The following ZNF438 variants were observed in gnomAD, a reference collection of about 807,000 sequenced individuals.
The protein encoded by ZNF438 is zinc finger protein 438.
Under a neutral mutation model 38.0 loss-of-function variants are expected in ZNF438, and 25 were observed. The ratio of observed to expected loss-of-function variants is 0.66; its 90% CI spans 0.48 to 0.92. ZNF438 has a LOEUF of 0.92. Ranked by LOEUF, ZNF438 falls within the 40% of genes least tolerant of loss-of-function variation. The pLI is 0.00. For missense variants in ZNF438, 1,007 were observed against 999.6 expected (o/e 1.01, Z -0.10); for synonymous variants, 372 against 364.1 (o/e 1.02, Z -0.25).
At chr10:31,007,221 C>T (rs944775170) in intron 1 of ZNF438, among the ~76,000 whole-genome samples, 3 of 151,468 alleles carry the variant, frequency 2.0e-5, no homozygotes, top group Admixed American at 6.6e-5. Flanking sequence ...CTCCTGACTT[C>T]CAGAATGTAA....
intron 1 of ZNF438, among the ~76,000 whole-genome samples, chr10:30,966,822 C>T (rs2050172619): frequency 6.6e-6 from 1 of 152,040 alleles, no homozygotes; most frequent in African/African-American, 2.4e-5. Flanking sequence ...CATCTACCCA[C>T]CCCCCTGTAA....
chr10:30,983,842 G>C (rs1417996596), intron 1 of ZNF438, among the ~76,000 whole-genome samples: 1 of 151,986 alleles, frequency 6.6e-6, no homozygotes, highest in Non-Finnish European at 1.5e-5. Flanking sequence ...AGATTTACAA[G>C]ATAGATACAA....
intron 4 of ZNF438, among the ~76,000 whole-genome samples, chr10:30,862,603 C>A (rs182057690): frequency 6.6e-6 from 1 of 152,282 alleles, no homozygotes; most frequent in African/African-American, 2.4e-5. Context: ...TTGCACCCGG[C>A]CTACTTTTAG....
chr10:30,878,983 A>C (rs886904274), intron 3 of ZNF438, among the ~76,000 whole-genome samples: 1 of 152,184 alleles, frequency 6.6e-6, no homozygotes, highest in Non-Finnish European at 1.5e-5. Flanking sequence ...AGCCCTATTG[A>C]AACAACTGCG....
At chr10:30,863,946 C>T (rs937980608) in intron 4 of ZNF438, among the ~76,000 whole-genome samples, 21 of 152,232 alleles carry the variant, frequency 1.4e-4, no homozygotes, top group African/African-American at 5.1e-4. Context: ...ACCGATTCCA[C>T]AGTCTATTTA....
rs566401687 is a variant in ZNF438, at chr10:30,872,425, C to CAAAAAAAAAAAAAAAAAA, written c.37+4555_37+4572dup. Among the ~76,000 whole-genome samples the CAAAAAAAAAAAAAAAAAA allele has an allele frequency of 6.8e-5, 4 of 58,696 alleles. 1 individual carries two copies. Among genetic ancestry groups the CAAAAAAAAAAAAAAAAAA allele is most frequent in the Non-Finnish European group, 1.3e-4 (4 of 30,562 alleles). The allele number at this position is 58,696 out of a possible 152,430, so 38.5% of individuals were successfully genotyped here. A position where few individuals can be genotyped will look rare whatever the true frequency, so the allele number is the denominator to read the frequency against. ...TGGGTGACAGAACAAGACTCTGTCTCAAAAAAAAAAAAAAAAAAAAAAAAA... is the reference window on the plus strand; with the variant it reads ...TGGGTGACAGAACAAGACTCTGTCTCAAAAAAAAAAAAAAAAAAAAAAAAAAAAAAAAAAAAAAAAAAA... On this transcript the variant is annotated intron_variant, in intron 4 of 5. Transcript: ENST00000413025.
chr10:30,919,443 C>G (rs1370763227), intron 2 of ZNF438: 1 of 152,188 alleles, frequency 6.6e-6, no homozygotes, highest in Admixed American at 6.5e-5. Flanking sequence ...GTTTATACCA[C>G]TACAATCCTC....
intron 3 of ZNF438, among the ~76,000 whole-genome samples, chr10:30,888,344 A>AAC (rs140506626): frequency 0.044 from 6,532 of 147,386 alleles, 372 homozygotes; most frequent in East Asian, 0.29. Flanking sequence ...TAATATTATA[A>AAC]ACACACACAC....
At chr10:30,904,839 G>A (rs915895679) in intron 3 of ZNF438, among the ~76,000 whole-genome samples, 5 of 152,046 alleles carry the variant, frequency 3.3e-5, no homozygotes, top group South Asian at 4.1e-4. Flanking sequence ...CCTTTGGATC[G>A]CAAAGGAAAA....
At chr10:31,017,067 C>T (rs2056251271) in intron 1 of ZNF438, among the ~76,000 whole-genome samples, 1 of 152,322 alleles carries the variant, frequency 6.6e-6, no homozygotes, top group Middle Eastern at 3.4e-3. Flanking sequence ...CCACCACCAT[C>T]GCACACAAAA....
At chr10:30,912,395 C>A (rs1171928593) in intron 2 of ZNF438, among the ~76,000 whole-genome samples, 1 of 152,108 alleles carries the variant, frequency 6.6e-6, no homozygotes, top group East Asian at 1.9e-4. Context: ...CTCGTCTTTC[C>A]TTCTGCCTAT....
chr10:30,948,651 C>T (rs1459314143), intron 1 of ZNF438, among the ~76,000 whole-genome samples: 86 of 150,090 alleles, frequency 5.7e-4, no homozygotes, highest in East Asian at 2.5e-3. Context: ...AGGGTATCAG[C>T]GATGGAAGAT....
chr10:30,846,448 G>A (rs1250059562), intron 5 of ZNF438, among the ~76,000 whole-genome samples: 2 of 152,230 alleles, frequency 1.3e-5, no homozygotes, highest in Non-Finnish European at 2.9e-5. Flanking sequence ...GAGCCACTGC[G>A]ATGGGGCCAG....
At position 30,960,973 on chromosome 10, in the gene ZNF438, C is replaced by T. The variant is rs1316907990; in HGVS notation, c.-191-19322G>A. Among the ~76,000 whole-genome samples the T allele has an allele frequency of 2.1e-5, 3 of 145,670 alleles. 1 individual carries two copies. The highest frequency in any genetic ancestry group is 4.7e-5 in the Non-Finnish European group (3 of 64,244). On this transcript the variant is annotated intron_variant, in intron 1 of 5. Transcript: ENST00000413025. ...TACTGAATGCCTACTATGTACCAGG[C>T]ACAGTGCAAGGTTAGGTGCCAAAGA... is the stretch of plus-strand genomic sequence containing the variant.
intron 1 of ZNF438, among the ~76,000 whole-genome samples, chr10:30,947,071 A>G (rs2047497980): frequency 6.6e-6 from 1 of 152,216 alleles, no homozygotes; most frequent in Non-Finnish European, 1.5e-5. Flanking sequence ...CTGTTATACT[A>G]GAGAAGCTAC....
At chr10:30,930,647 A>C (rs1176122396) in intron 2 of ZNF438, among the ~76,000 whole-genome samples, 2 of 151,346 alleles carry the variant, frequency 1.3e-5, no homozygotes, top group Admixed American at 6.6e-5. Context: ...AAATACACAC[A>C]CACACAAAAA....
intron 4 of ZNF438, 108 bp downstream of exon 5, chr10:30,876,890 T>C: frequency 1.3e-6 from 1 of 746,624 alleles, no homozygotes; most frequent in Middle Eastern, 2.9e-4. Flanking sequence ...ATTTTTATTT[T>C]TAATTCTAGG....
intron 1 of ZNF438, among the ~76,000 whole-genome samples, chr10:30,954,014 G>C (rs1436229850): frequency 6.6e-6 from 1 of 152,026 alleles, no homozygotes; most frequent in East Asian, 1.9e-4. Flanking sequence ...GTGGTGGCGG[G>C]CACCTGTAAT....
chr10:31,032,290 C>T (rs934687840), upstream of ZNF438, among the ~76,000 whole-genome samples: 2 of 152,334 alleles, frequency 1.3e-5, no homozygotes, highest in South Asian at 2.1e-4. Context: ...AAGTTCTCCA[C>T]GTGTGGAAAC....
Sources: allele counts gnomAD v4.1 joint callset (sites outside exome capture counted in the v4.1 genomes callset), GRCh38; gene constraint gnomAD v4.1.1; transcripts MANE v1.5; gene names NCBI Gene and HGNC (gene_info 2026-07-23, HGNC 2026-07-21).